Variants in HERC1 observed in about 807,000 individuals in gnomAD.
HERC1 encodes probable E3 ubiquitin-protein ligase HERC1.
HERC1 carries 160 observed loss-of-function variants against 554.3 expected under a neutral mutation model. The observed-to-expected ratio is 0.29, with a 90% CI of 0.25 to 0.33. The LOEUF is 0.33. Among genes scored for constraint, HERC1 ranks in the 10% least tolerant of loss-of-function variants. HERC1 has a pLI of 1.00. For missense variants in HERC1, 4,919 were observed against 5,918.5 expected (o/e 0.83, Z 5.54); for synonymous variants, 2,175 against 2,131.7 (o/e 1.02, Z -0.56).
At position 63,622,823 on chromosome 15, in the gene HERC1, A is replaced by G. The variant is rs1460311643; in HGVS notation, c.13680T>C (p.Asn4560=). ...CTTGCTGACTGCCATACCTGTCCCT[A>G]TTGTAACCCACTTCTGCGGTGGCAT... ...SPNATAEVGY[N]RDRFLFNPSA... The change falls in exon 74 of 78, where the codon AAT becomes AAC. Residue 4560 remains asparagine, a synonymous_variant. Coordinates refer to ENST00000443617, the MANE Select transcript of HERC1 (RefSeq NM_003922.4). The G allele has an allele frequency of 2.5e-6, 4 of 1,604,064 alleles. No individual in the cohort carries two copies. The highest frequency in any genetic ancestry group is 1.7e-5 in the Admixed American group (1 of 58,550).
At chr15:63,740,853 A>T (rs1024209988) in intron 12 of HERC1, among the ~76,000 whole-genome samples, 1 of 152,188 alleles carries the variant, frequency 6.6e-6, no homozygotes, top group East Asian at 1.9e-4. Context: ...ACTTACAAGT[A>T]TCTCTCCCAT....
intron 74 of HERC1, among the ~76,000 whole-genome samples, chr15:63,621,780 A>G (rs1191257473): frequency 6.6e-6 from 1 of 152,092 alleles, no homozygotes; most frequent in Non-Finnish European, 1.5e-5. Flanking sequence ...AGTTGATCGA[A>G]TCGGTTACTG....
At chr15:63,632,920 T>C (rs375421649) in intron 67 of HERC1, 109 bp from the exon 68 acceptor site, 2 of 722,258 alleles carry the variant, frequency 2.8e-6, no homozygotes, top group Non-Finnish European at 4.6e-6. Context: ...ATACTAATTG[T>C]CACTTACCTG....
intron 2 of HERC1, among the ~76,000 whole-genome samples, chr15:63,768,149 C>G (rs1467314196): frequency 6.6e-6 from 1 of 152,230 alleles, no homozygotes; most frequent in Non-Finnish European, 1.5e-5. Context: ...ATCTCTGATT[C>G]TATTCGACTG....
intron 65 of HERC1, 93 bp downstream of exon 65, chr15:63,635,868 T>G: frequency 8.0e-7 from 1 of 1,250,696 alleles, no homozygotes; most frequent in Non-Finnish European, 1.1e-6. Flanking sequence ...GTAATATATT[T>G]TTACTATATT....
chr15:63,667,504 T>G (rs2070702248), intron 40 of HERC1, among the ~76,000 whole-genome samples: 1 of 152,102 alleles, frequency 6.6e-6, no homozygotes. Flanking sequence ...CATTAGACAC[T>G]GCAGAAGAAA....
chr15:63,617,898 G>A (rs1424575466), intron 74 of HERC1, among the ~76,000 whole-genome samples: 2 of 152,100 alleles, frequency 1.3e-5, no homozygotes, highest in Non-Finnish European at 2.9e-5. Flanking sequence ...GTAGATTCTG[G>A]ATATTAGCCC....
chr15:63,732,190 G>A (rs1172093382), intron 14 of HERC1, among the ~76,000 whole-genome samples: 6 of 152,018 alleles, frequency 3.9e-5, no homozygotes, highest in South Asian at 2.1e-4. Flanking sequence ...TAGTAGAGAC[G>A]GGGTTTCACC....
intron 50 of HERC1, among the ~76,000 whole-genome samples, chr15:63,654,612 G>A (rs1196371650): frequency 6.6e-6 from 1 of 152,076 alleles, no homozygotes; most frequent in Non-Finnish European, 1.5e-5. Context: ...CAGTGCTTTG[G>A]GAGGCCAAGG....
Position 63,632,827 on chromosome 15 carries a change from G to A in HERC1, c.12694-16C>T, listed in dbSNP as rs1566956531. 24 of 1,496,060 alleles carry A rather than the reference G, an allele frequency of 1.6e-5. No homozygotes were observed. The highest frequency in any genetic ancestry group is 1.6e-4 in the South Asian group (13 of 82,322). The allele number at this position is 1,496,060 out of a possible 1,614,324, so 92.7% of individuals were successfully genotyped here. Reference sequence around the variant, plus strand: ...CGTCAATTTTCTACAAAATAAAAGTGTAAGGCACACAACTTTAAGAAGAAA... The same window carrying A: ...CGTCAATTTTCTACAAAATAAAAGTATAAGGCACACAACTTTAAGAAGAAA... On this transcript the variant is annotated splice_polypyrimidine_tract_variant and intron_variant, in intron 67 of 77. Transcript: ENST00000443617.
rs80204188 is a variant in HERC1 at position 63,768,511 on chromosome 15, A to C, written c.931-4320T>G. On this transcript the variant is annotated intron_variant, in intron 2 of 77. Transcript: ENST00000443617. ...CAAATACTTGGTTGCAACCTCTCCAAATTCCCTAGTTAGCTGTGAAGCATT... is the reference window on the plus strand; with the variant it reads ...CAAATACTTGGTTGCAACCTCTCCACATTCCCTAGTTAGCTGTGAAGCATT... Among the ~76,000 whole-genome samples the C allele has an allele frequency of 1.1e-3, 172 of 152,296 alleles. 1 individual carries two copies. The highest frequency in any genetic ancestry group is 4.1e-3 in the African/African-American group (170 of 41,560).
In HERC1 at chr15:63,659,786, A is replaced by G. The variant is rs1456568114; in HGVS notation, c.9374T>C (p.Val3125Ala). 2 of 1,613,934 alleles carry G rather than the reference A, an allele frequency of 1.2e-6. No individual in the cohort carries two copies. The highest frequency in any genetic ancestry group is 2.2e-5 in the South Asian group (2 of 91,076). ...ACTGTTGGTGGCTGTGACCATTGCTACTGATGCTCCCAGTGGATCGCTGTC... is the reference window on the plus strand; with the variant it reads ...ACTGTTGGTGGCTGTGACCATTGCTGCTGATGCTCCCAGTGGATCGCTGTC... ...FPDSDPLGAS[V>A]AMVTATNSME... The change falls in exon 47 of 78, where the codon GTA becomes GCA. Residue 3125 changes from valine (V) to alanine (A), a missense_variant. Val to Ala is a moderately conservative substitution (Grantham distance 64, BLOSUM62 0). This residue lies in a region of HERC1 where 1,963 missense variants were observed against 2,228.6 expected (regional missense o/e 0.88). Coordinates refer to ENST00000443617, the MANE Select transcript of HERC1 (RefSeq NM_003922.4).
chr15:63,641,731 T>C (rs1163069148), intron 59 of HERC1, 88 bp from the exon 60 acceptor site: 9 of 1,095,076 alleles, frequency 8.2e-6, no homozygotes, highest in Admixed American at 3.0e-5. Context: ...TTCCTTCTAG[T>C]AACTGGGACA....
chr15:63,685,085 T>G (rs2071679347), intron 34 of HERC1, among the ~76,000 whole-genome samples: 1 of 152,252 alleles, frequency 6.6e-6, no homozygotes, highest in Non-Finnish European at 1.5e-5. Context: ...AACTGATTGC[T>G]GAGCTTCTCA....
rs190742735 is a variant in HERC1, at chr15:63,613,034, T to C, written c.14095-478A>G. Among the ~76,000 whole-genome samples, 548 of 152,338 alleles carry C rather than the reference T, an allele frequency of 3.6e-3. 4 individuals carry two copies. Among genetic ancestry groups the C allele is most frequent in the African/African-American group, 0.012 (497 of 41,570 alleles). On this transcript the variant is annotated intron_variant, in intron 76 of 77. Coordinates refer to ENST00000443617, the MANE Select transcript of HERC1 (RefSeq NM_003922.4). ...ATTATATCCTTTTTGTAAAAATTAT[T>C]TGTGCTCATCGTAAAAAAAATCTGA...
rs755853841 is a variant in HERC1, at chr15:63,609,072, C to G, written c.*9G>C. ...AGGGAGAGAAGGGAGGGTGAGAGCA[C>G]CCGCACGGTCAGTAGTCAGTGTCGG... On this transcript the variant is annotated 3_prime_UTR_variant, in exon 78 of 78. Transcript: ENST00000443617. The G allele has an allele frequency of 1.2e-6, 2 of 1,609,902 alleles. No homozygotes were observed. Among genetic ancestry groups the G allele is most frequent in the South Asian group, 2.2e-5 (2 of 90,400 alleles).
rs371273063 is a variant in HERC1, at chr15:63,718,672, A to T, written c.3880T>A (p.Ser1294Thr). Residue 1294 changes from serine (S) to threonine (T), a missense_variant, in exon 21 of 78, where the codon TCA becomes ACA. This residue lies in a region of HERC1 where 1,121 missense variants were observed against 1,244.0 expected (regional missense o/e 0.90). Transcript: ENST00000443617. The surrounding 1 kb of genome is among the most constrained non-coding windows in gnomAD (Gnocchi z 4.2). ...ESRYQPGKHLSEVYRCVYKVR... is the reference protein window; with the variant it reads ...ESRYQPGKHLTEVYRCVYKVR... ...TTGTATACACAACGGTACACTTCTG[A>T]TAAGTGTTTACCAGGTTGATATCTA... 2 of 1,603,224 alleles carry T rather than the reference A, an allele frequency of 1.2e-6. No individual in the cohort carries two copies. Among genetic ancestry groups the T allele is most frequent in the Non-Finnish European group, 1.7e-6 (2 of 1,173,056 alleles).
At chr15:63,770,575 T>C (rs1466858876) in intron 2 of HERC1, among the ~76,000 whole-genome samples, 1 of 152,234 alleles carries the variant, frequency 6.6e-6, no homozygotes, top group Non-Finnish European at 1.5e-5. Flanking sequence ...CTGAGATTAC[T>C]TCCCTATTCT....
intron 1 of HERC1, among the ~76,000 whole-genome samples, chr15:63,789,493 A>G (rs185273850): frequency 2.0e-5 from 3 of 152,166 alleles, no homozygotes; most frequent in South Asian, 2.1e-4. Context: ...ACTTGTCACC[A>G]CTATTATCAA....
Sources: gnomAD v4.1 joint callset for allele counts (sites outside exome capture counted in the v4.1 genomes callset) on GRCh38, gnomAD v4.1.1 for gene constraint, gnomAD v4.1.1 regional missense constraint, Gnocchi (gnomAD v3.1) non-coding constraint, MANE v1.5 for transcripts, NCBI Gene and HGNC (gene_info 2026-07-23, HGNC 2026-07-21) for gene names.